THRAP3: variants seen among roughly 807,000 people sequenced by gnomAD.
THRAP3 encodes thyroid hormone receptor-associated protein 3.
THRAP3 carries 16 observed loss-of-function variants against 101.0 expected under a neutral mutation model. That is an observed-to-expected ratio of 0.16 (90% CI 0.11 to 0.24). The LOEUF (loss-of-function observed/expected upper bound fraction) is 0.24. Ranked by LOEUF, THRAP3 falls within the 10% of genes least tolerant of loss-of-function variation. The probability of loss-of-function intolerance (pLI) is 1.00; values close to 1 mark genes in which losing one functional copy is unlikely to be tolerated. For missense variants in THRAP3, 989 were observed against 1,202.7 expected (o/e 0.82, Z 2.63); for synonymous variants, 407 against 422.6 (o/e 0.96, Z 0.45).
intron 4 of THRAP3, chr1:36,288,060 C>T: frequency 1.0e-6 from 1 of 978,928 alleles, no homozygotes; most frequent in Non-Finnish European, 1.2e-6. Flanking sequence ...GCTGTATTAA[C>T]ACGACTTTGA....
At chr1:36,282,932 C>T (rs536016206) in intron 3 of THRAP3, among the ~76,000 whole-genome samples, 56 of 152,288 alleles carry the variant, frequency 3.7e-4, no homozygotes, top group African/African-American at 1.3e-3. Context: ...ATAGTATTTC[C>T]CACCCACTTT....
chr1:36,243,151 CTTTT>C (rs58340320), intron 1 of THRAP3, among the ~76,000 whole-genome samples: 1 of 60,880 alleles, frequency 1.6e-5, no homozygotes, highest in Non-Finnish European at 3.4e-5. Flanking sequence ...GAGGAACTTT[CTTTT>C]TTTTTTTTTT....
intron 1 of THRAP3, among the ~76,000 whole-genome samples, chr1:36,228,741 A>G (rs942278582): frequency 6.6e-6 from 1 of 152,192 alleles, no homozygotes; most frequent in Non-Finnish European, 1.5e-5. Flanking sequence ...ATAGGGGTGC[A>G]TTTTCTCAAG....
intron 2 of THRAP3, among the ~76,000 whole-genome samples, chr1:36,266,152 CAAAAA>C (rs1325994550): frequency 1.8e-5 from 1 of 56,200 alleles, no homozygotes; most frequent in African/African-American, 4.5e-5. Context: ...GACTCATTCT[CAAAAA>C]AAGAAAAAAA....
chr1:36,210,172 C>T, the THRAP3 span, among the ~76,000 whole-genome samples: 2 of 150,864 alleles, frequency 1.3e-5, no homozygotes, highest in African/African-American at 2.4e-5. Flanking sequence ...CGAGACCATC[C>T]TGGCTAACAC....
intron 4 of THRAP3, chr1:36,287,860 CT>C: frequency 1.0e-6 from 1 of 985,452 alleles, no homozygotes. Context: ...TCTTTCTCCC[CT>C]GGGGGACACG....
chr1:36,278,973 ATAAT>A (rs1645698624), intron 2 of THRAP3, among the ~76,000 whole-genome samples: 1 of 151,996 alleles, frequency 6.6e-6, no homozygotes. Context: ...CATAAATAAA[ATAAT>A]TAGTTTCAAT....
chr1:36,292,837 T>G, intron 7 of THRAP3, 128 bp downstream of exon 7: 1 of 652,144 alleles, frequency 1.5e-6, no homozygotes, highest in Non-Finnish European at 2.7e-6. Flanking sequence ...CTTCAGACTC[T>G]AAGAGAGCTA....
intron 1 of THRAP3, among the ~76,000 whole-genome samples, chr1:36,248,435 C>G (rs1460390432): frequency 7.1e-6 from 1 of 141,038 alleles, no homozygotes. Context: ...CCATTGCACC[C>G]AGCCTCAGCC....
At chr1:36,250,821 A>C (rs1473126008) in intron 1 of THRAP3, among the ~76,000 whole-genome samples, 3 of 152,052 alleles carry the variant, frequency 2.0e-5, no homozygotes, top group Non-Finnish European at 4.4e-5. Context: ...ATCTCAGCTC[A>C]CTGCAACCTC....
intron 4 of THRAP3, 119 bp downstream of exon 4, chr1:36,287,389 A>T: frequency 7.2e-7 from 1 of 1,390,950 alleles, no homozygotes; most frequent in Non-Finnish European, 9.4e-7. Flanking sequence ...TATTTCCTAG[A>T]CTTTTCGTTA....
upstream of THRAP3, among the ~76,000 whole-genome samples, chr1:36,221,186 CAAAAAAAA>C (rs769615426): frequency 2.2e-5 from 1 of 45,296 alleles, no homozygotes; most frequent in African/African-American, 7.4e-5. Flanking sequence ...GACCCTATCT[CAAAAAAAA>C]AAAAAAAAAA....
intron 1 of THRAP3, among the ~76,000 whole-genome samples, chr1:36,230,080 G>C (rs953193380): frequency 7.3e-5 from 11 of 150,528 alleles, no homozygotes; most frequent in Non-Finnish European, 1.5e-4. Context: ...TCAGCCTCCC[G>C]AGTCGCTGGG....
intron 8 of THRAP3, among the ~76,000 whole-genome samples, chr1:36,295,587 T>TCCCTCCTC (rs1645937937): frequency 6.6e-6 from 1 of 151,292 alleles, no homozygotes; most frequent in African/African-American, 2.4e-5. Flanking sequence ...CCTCCTCCCT[T>TCCCTCCTC]CCTTCCTCCC....
rs762508775 is a variant in THRAP3 at position 36,287,165 on chromosome 1, C to G, written c.935C>G (p.Ser312Cys). Residue 312 changes from serine to cysteine, a missense_variant, in exon 4 of 12, where the codon TCC becomes TGC. By Grantham distance (112) the Ser-to-Cys change is moderately radical. Coordinates refer to ENST00000354618, the MANE Select transcript of THRAP3 (RefSeq NM_005119.4). ...CATGGTTCTGGGTCCCTGAGTCCAT[C>G]CAAAAAGAGCCCTGTGGGTAAGAGT... Reference protein sequence around the residue: ...FDHGSGSLSPSKKSPVGKSPP... With the variant: ...FDHGSGSLSPCKKSPVGKSPP... The G allele has an allele frequency of 6.2e-7, 1 of 1,614,180 alleles. No homozygotes were observed. Among genetic ancestry groups the G allele is most frequent in the Non-Finnish European group, 8.5e-7 (1 of 1,180,032 alleles).
chr1:36,250,557 G>A (rs916447532), intron 1 of THRAP3, among the ~76,000 whole-genome samples: 3 of 152,004 alleles, frequency 2.0e-5, no homozygotes, highest in Non-Finnish European at 2.9e-5. Context: ...ATTTAGCCAC[G>A]TAATAGTGAG....
At chr1:36,244,865 A>T (rs182069041) in intron 1 of THRAP3, among the ~76,000 whole-genome samples, 4 of 151,726 alleles carry the variant, frequency 2.6e-5, no homozygotes, top group Non-Finnish European at 5.9e-5. Flanking sequence ...TTACAGGCAC[A>T]CGCCACCACG....
chr1:36,270,390 G>GACACAC (rs766697376), intron 2 of THRAP3, among the ~76,000 whole-genome samples: 1 of 151,392 alleles, frequency 6.6e-6, no homozygotes, highest in Admixed American at 6.6e-5. Context: ...GTGAGACCCT[G>GACACAC]ACACACACAC....
Position 36,286,757 on chromosome 1 carries a change from C to T in THRAP3, c.527C>T (p.Ser176Phe). The change falls in exon 4 of 12, where the codon TCT (serine) becomes TTT (phenylalanine). Residue 176 changes from serine (S) to phenylalanine (F), a missense_variant. Physicochemically the swap from Ser to Phe is radical, Grantham distance 155. Transcript: ENST00000354618. This position sits in a 1 kb window ranked among gnomAD's most constrained non-coding sequence, Gnocchi z 5.5. ...HSRVESSKRK[S>F]AKEKKSSSKD... ...CGAGTTGAATCTTCTAAGCGCAAGT[C>T]TGCAAAGGAGAAAAAGTCCTCTTCT... 3.1e-6 allele frequency: 5 copies of T among 1,614,242 alleles called. No homozygotes were observed. Among genetic ancestry groups the T allele is most frequent in the African/African-American group, 1.3e-5 (1 of 75,062 alleles).
Sources: allele counts gnomAD v4.1 joint callset (sites outside exome capture counted in the v4.1 genomes callset), GRCh38; gene constraint gnomAD v4.1.1; non-coding constraint Gnocchi (gnomAD v3.1); transcripts MANE v1.5; gene names NCBI Gene and HGNC (gene_info 2026-07-23, HGNC 2026-07-21).